Variants in DOCK2 observed in about 807,000 individuals in gnomAD.
The protein encoded by DOCK2 is dedicator of cytokinesis 2.
In DOCK2, 87 loss-of-function variants were observed where a neutral mutation model predicts 248.9. The ratio of observed to expected loss-of-function variants is 0.35; its 90% confidence interval spans 0.29 to 0.42. The LOEUF is 0.42. DOCK2 is among the 10% of genes least tolerant of loss of function. DOCK2 has a pLI of 1.00. For synonymous variants in DOCK2, 805 were observed against 821.6 expected (o/e 0.98, Z 0.35); for missense variants, 1,747 against 2,300.2 (o/e 0.76, Z 4.92).
In DOCK2 at chr5:169,699,425, G is replaced by A. The variant is rs1227141770; in HGVS notation, c.1099G>A (p.Val367Ile). Residue 367 changes from valine to isoleucine, a missense_variant, in exon 12 of 52, where the codon GTC (valine) becomes ATC (isoleucine). Transcript: ENST00000520908. ...NDFLHSLLGK[V>I]IASKGDSGGQ... is the part of the protein sequence containing the mutation. ...CTTCCTACACAGCCTGCTGGGCAAA[G>A]TCATAGCCTCCAAGGGGGACAGTGG... 2 of 1,613,500 alleles carry A rather than the reference G, an allele frequency of 1.2e-6. No individual in the cohort carries two copies. The highest frequency in any genetic ancestry group is 1.1e-5 in the South Asian group (1 of 90,998).
At position 169,840,855 on chromosome 5, in the gene DOCK2, G is replaced by A; in HGVS notation, c.2799+3G>A. The stretch of plus-strand genomic sequence containing the variant: ...TGGGCCGGGATCACATTCTGATTGT[G>A]AGTGGATTATTTCTTCTTGTCAAAT... On this transcript the variant is annotated splice_donor_region_variant and intron_variant, in intron 27 of 51. Transcript: ENST00000520908. 6.2e-7 allele frequency: 1 copy of A among 1,613,586 alleles called. No homozygotes were observed. The highest frequency in any genetic ancestry group is 2.2e-5 in the East Asian group (1 of 44,800).
At chr5:170,001,494 C>T (rs1754830969) in intron 30 of DOCK2, among the ~76,000 whole-genome samples, 1 of 152,176 alleles carries the variant, frequency 6.6e-6, no homozygotes, top group Admixed American at 6.6e-5. Context: ...AAACTGGATT[C>T]AGATGCCACC....
At chr5:169,766,815 T>C (rs928860337) in intron 25 of DOCK2, among the ~76,000 whole-genome samples, 1 of 152,242 alleles carries the variant, frequency 6.6e-6, no homozygotes, top group African/African-American at 2.4e-5. Flanking sequence ...TCACCCAGGC[T>C]GGAGTGCAAT....
intron 20 of DOCK2, among the ~76,000 whole-genome samples, chr5:169,716,904 T>A (rs1043558077): frequency 5.3e-5 from 8 of 152,230 alleles, no homozygotes; most frequent in African/African-American, 1.9e-4. Flanking sequence ...ACCCCTTGTG[T>A]CATGGATATT....
intron 27 of DOCK2, among the ~76,000 whole-genome samples, chr5:169,963,730 C>G (rs553779417): frequency 6.6e-6 from 1 of 152,260 alleles, no homozygotes; most frequent in East Asian, 1.9e-4. Context: ...TCCCTACCAG[C>G]AGCATTTTTC....
Position 169,761,528 on chromosome 5 carries a change from G to T in DOCK2, c.2457G>T (p.Leu819=). The T allele has an allele frequency of 6.2e-7, 1 of 1,613,140 alleles. No individual in the cohort carries two copies. The highest frequency in any genetic ancestry group is 8.5e-7 in the Non-Finnish European group (1 of 1,179,622). ...TTTTTCCTGCCCTCAGCCAACTCCT[G>T]TATGAGTTCTACACCTGCATCCCTC... The part of the protein sequence containing the change: ...VFDAKLLSQL[L]YEFYTCIPPV... The change falls in exon 25 of 52, where the codon CTG becomes CTT. Residue 819 remains leucine (L), a synonymous_variant. Coordinates refer to ENST00000520908, the MANE Select transcript of DOCK2 (RefSeq NM_004946.3).
intron 17 of DOCK2, among the ~76,000 whole-genome samples, chr5:169,713,244 A>C (rs931889697): frequency 6.6e-6 from 1 of 152,150 alleles, no homozygotes; most frequent in South Asian, 2.1e-4. Context: ...GTTGCAGTCA[A>C]TTTTCTTTTA....
At chr5:170,077,938 C>A in intron 48 of DOCK2, 101 bp downstream of exon 48, 1 of 1,009,146 alleles carries the variant, frequency 9.9e-7, no homozygotes, top group Non-Finnish European at 1.5e-6. Flanking sequence ...CTACCTTTCC[C>A]TTCCTCCTTT....
At chr5:169,730,177 G>A (rs1459167063) in intron 22 of DOCK2, among the ~76,000 whole-genome samples, 2 of 152,092 alleles carry the variant, frequency 1.3e-5, no homozygotes, top group Non-Finnish European at 1.5e-5. Context: ...GGCTGGTCTT[G>A]AACTCCTGAC....
At chr5:169,982,164 C>T (rs1240308566) in intron 27 of DOCK2, among the ~76,000 whole-genome samples, 3 of 151,740 alleles carry the variant, frequency 2.0e-5, no homozygotes, top group Non-Finnish European at 2.9e-5. Context: ...TTCATTTGGC[C>T]AAGATGGCAG....
chr5:170,018,039 T>C (rs2032851189), intron 32 of DOCK2, among the ~76,000 whole-genome samples: 1 of 152,204 alleles, frequency 6.6e-6, no homozygotes, highest in South Asian at 2.1e-4. Context: ...ATAGACACAA[T>C]GAGGAGAACA....
chr5:169,789,216 T>C (rs995266896), intron 25 of DOCK2, among the ~76,000 whole-genome samples: 9 of 152,360 alleles, frequency 5.9e-5, no homozygotes, highest in Admixed American at 1.3e-4. Context: ...TAGTATTCCA[T>C]GGTGTATATG....
chr5:169,936,871 G>A (rs922227611), intron 27 of DOCK2, among the ~76,000 whole-genome samples: 4 of 152,030 alleles, frequency 2.6e-5, no homozygotes, highest in African/African-American at 4.8e-5. Context: ...GAATTATAAC[G>A]ACACCCTTCA....
chr5:170,068,914 C>G (rs1018252923), intron 45 of DOCK2, among the ~76,000 whole-genome samples: 1 of 152,310 alleles, frequency 6.6e-6, no homozygotes, highest in South Asian at 2.1e-4. Context: ...ACTTTGAGAA[C>G]AGCTTCCCCA....
chr5:170,042,034 T>A lies in DOCK2; in HGVS notation c.3778T>A (p.Ser1260Thr), dbSNP rs749556416. ...LLKWSDEQCA[S>T]QVMQTGQQHP... ...ACAGTGGTCGGATGAGCAGTGTGCA[T>A]CACAGGTCATGCAGACAGGCCAGCA... Residue 1260 changes from serine to threonine, a missense_variant, in exon 38 of 52, where the codon TCA becomes ACA. Coordinates refer to ENST00000520908, the MANE Select transcript of DOCK2 (RefSeq NM_004946.3). The A allele has an allele frequency of 2.5e-6, 4 of 1,613,580 alleles. No homozygotes were observed. The highest frequency in any genetic ancestry group is 3.4e-6 in the Non-Finnish European group (4 of 1,179,750).
intron 26 of DOCK2, among the ~76,000 whole-genome samples, chr5:169,824,640 T>C (rs1768722493): frequency 6.6e-6 from 1 of 152,228 alleles, no homozygotes; most frequent in African/African-American, 2.4e-5. Context: ...GTTTGAAGAC[T>C]TAAATGTTAG....
chr5:169,712,832 T>C (rs974233729), intron 17 of DOCK2, among the ~76,000 whole-genome samples: 1 of 152,352 alleles, frequency 6.6e-6, no homozygotes, highest in East Asian at 1.9e-4. Flanking sequence ...TGGACTGTTT[T>C]TGAGACATGG....
chr5:170,045,958 C>G (rs1756693274), intron 39 of DOCK2, 53 bp downstream of exon 39: 1 of 1,544,748 alleles, frequency 6.5e-7, no homozygotes, highest in African/African-American at 1.4e-5. Context: ...TGCTCAGGGC[C>G]TCAGCTCACC....
At chr5:169,869,086 C>T (rs192772468) in intron 27 of DOCK2, among the ~76,000 whole-genome samples, 2 of 152,306 alleles carry the variant, frequency 1.3e-5, no homozygotes, top group Admixed American at 1.3e-4. Flanking sequence ...GCACATGGAA[C>T]ACTGTCTTGG....
Sources: gnomAD v4.1 joint callset for allele counts (sites outside exome capture counted in the v4.1 genomes callset) on GRCh38, gnomAD v4.1.1 for gene constraint, MANE v1.5 for transcripts, NCBI Gene and HGNC (gene_info 2026-07-23, HGNC 2026-07-21) for gene names.